ZNF385D: variants seen among roughly 807,000 people sequenced by gnomAD.
ZNF385D encodes the protein zinc finger protein 385D, also known as zinc finger protein 659.
ZNF385D carries 15 observed loss-of-function variants against 35.8 expected under a neutral mutation model. That is an observed-to-expected ratio of 0.42 (90% CI 0.28 to 0.64). The LOEUF is 0.64. Ranked by LOEUF, ZNF385D falls within the 30% of genes least tolerant of loss-of-function variation. The probability of loss-of-function intolerance (pLI) is 0.23; values close to 1 mark genes in which losing one functional copy is unlikely to be tolerated. For missense variants in ZNF385D, 474 were observed against 494.6 expected, an observed-to-expected ratio of 0.96 and a Z score of 0.39; for synonymous variants, 212 against 186.8, an observed-to-expected ratio of 1.13 and a Z score of -1.10.
At chr3:22,113,073 C>A (rs1429015847) in intron 3 of ZNF385D, among the ~76,000 whole-genome samples, 2 of 152,038 alleles carry the variant, frequency 1.3e-5, no homozygotes, top group African/African-American at 2.4e-5. Flanking sequence ...AGTGACAAAT[C>A]ATTTACACAT....
chr3:22,293,124 A>G (rs1207442492), intron 2 of ZNF385D, among the ~76,000 whole-genome samples: 1 of 152,088 alleles, frequency 6.6e-6, no homozygotes, highest in African/African-American at 2.4e-5. Context: ...TTTCACTTAT[A>G]CATCATAAAT....
chr3:22,188,386 C>T (rs905953858), intron 2 of ZNF385D, among the ~76,000 whole-genome samples: 3 of 152,132 alleles, frequency 2.0e-5, no homozygotes, highest in Non-Finnish European at 4.4e-5. Context: ...AAGAAACACA[C>T]TGATTCTGCT....
intron 2 of ZNF385D, among the ~76,000 whole-genome samples, chr3:22,361,077 G>A (rs1169647583): frequency 6.6e-6 from 1 of 152,036 alleles, no homozygotes; most frequent in African/African-American, 2.4e-5. Flanking sequence ...ACTAGTTGAT[G>A]TTGCATCACA....
At chr3:21,809,858 T>C (rs2072833125) in intron 3 of ZNF385D, among the ~76,000 whole-genome samples, 1 of 151,926 alleles carries the variant, frequency 6.6e-6, no homozygotes, top group Non-Finnish European at 1.5e-5. Context: ...ACAGATAACC[T>C]GAATTGAGGT....
intron 3 of ZNF385D, among the ~76,000 whole-genome samples, chr3:22,035,931 G>GT (rs35098442): frequency 0.057 from 8,695 of 151,378 alleles, 320 homozygotes; most frequent in Middle Eastern, 0.15. Flanking sequence ...TACTTTCACA[G>GT]TTTTTTTTTC....
At chr3:22,000,872 T>C (rs1443739691) in intron 3 of ZNF385D, among the ~76,000 whole-genome samples, 1 of 150,070 alleles carries the variant, frequency 6.7e-6, no homozygotes, top group Non-Finnish European at 1.5e-5. Flanking sequence ...TCATTACAAT[T>C]AGACCAGTCC....
chr3:21,915,000 A>G (rs376217304), intron 3 of ZNF385D, among the ~76,000 whole-genome samples: 5 of 151,930 alleles, frequency 3.3e-5, no homozygotes, highest in Non-Finnish European at 4.4e-5. Flanking sequence ...CTTGGTTAAT[A>G]TAAGTCACCA....
intron 3 of ZNF385D, among the ~76,000 whole-genome samples, chr3:22,118,341 G>A (rs1576349645): frequency 6.6e-6 from 1 of 151,818 alleles, no homozygotes; most frequent in Admixed American, 6.6e-5. Context: ...ATTTCTTCAT[G>A]GAACAAAAAG....
intron 3 of ZNF385D, among the ~76,000 whole-genome samples, chr3:21,821,262 C>G (rs1389727998): frequency 6.6e-6 from 1 of 151,926 alleles, no homozygotes; most frequent in South Asian, 2.1e-4. Flanking sequence ...GTTGAGCACA[C>G]TAAATGCAGC....
chr3:22,210,147 G>A (rs1315927294), intron 2 of ZNF385D, among the ~76,000 whole-genome samples: 2 of 151,832 alleles, frequency 1.3e-5, no homozygotes, highest in Admixed American at 6.6e-5. Context: ...AAGTGAAAGA[G>A]TCATTGTATG....
At chr3:21,845,631 G>A (rs1480262197) in intron 3 of ZNF385D, among the ~76,000 whole-genome samples, 2 of 151,896 alleles carry the variant, frequency 1.3e-5, no homozygotes, top group East Asian at 1.9e-4. Flanking sequence ...AGTCCTGTAA[G>A]TTCTTTCTGA....
intron 2 of ZNF385D, among the ~76,000 whole-genome samples, chr3:22,212,001 A>G (rs180899577): frequency 2.4e-4 from 36 of 152,078 alleles, no homozygotes; most frequent in African/African-American, 8.2e-4. Flanking sequence ...TAATTTGGGG[A>G]TATGTGACTA....
In ZNF385D at chr3:22,190,517, T is replaced by C. The variant is rs150362462; in HGVS notation, c.107-21482A>G. On this transcript the variant is annotated intron_variant, in intron 2 of 5. Coordinates refer to the ZNF385D transcript ENST00000494108. ...AATTTGTCGTGGTCACTGAATATAATGGCTAGCAGCCACAAGTTCATAAAG... is the reference window on the plus strand; with the variant it reads ...AATTTGTCGTGGTCACTGAATATAACGGCTAGCAGCCACAAGTTCATAAAG... 6.6e-3 allele frequency among the ~76,000 whole-genome samples: 1,003 copies of C among 152,310 alleles called. 9 individuals carry two copies. Among genetic ancestry groups the C allele is most frequent in the African/African-American group, 0.023 (940 of 41,596 alleles).
intron 4 of ZNF385D, among the ~76,000 whole-genome samples, chr3:21,443,885 G>A (rs1008622609): frequency 1.3e-5 from 2 of 152,076 alleles, no homozygotes; most frequent in Non-Finnish European, 2.9e-5. Context: ...CTTTTGAGAT[G>A]ATTTTCAAAG....
intron 2 of ZNF385D, among the ~76,000 whole-genome samples, chr3:22,281,262 C>T (rs568511098): frequency 6.6e-6 from 1 of 152,142 alleles, no homozygotes; most frequent in South Asian, 2.1e-4. Context: ...GCTAGGATTT[C>T]CAGTACTATG....
chr3:22,123,409 A>C (rs1366353349), intron 3 of ZNF385D, among the ~76,000 whole-genome samples: 5 of 152,162 alleles, frequency 3.3e-5, no homozygotes, highest in Non-Finnish European at 4.4e-5. Flanking sequence ...AAGTGTATAT[A>C]TTTATAAAAT....
Position 21,839,689 on chromosome 3 carries a change from T to G in ZNF385D, c.326-174661A>C, listed in dbSNP as rs146820067. Among the ~76,000 whole-genome samples, 275 of 152,150 alleles carry G rather than the reference T, an allele frequency of 1.8e-3. 1 individual carries two copies. The highest frequency in any genetic ancestry group is 6.2e-3 in the African/African-American group (258 of 41,530). ...CAGACCACATCACTTTGCCTTCACT[T>G]TAAGACTCAGCTGACAGAACAGCCA... On this transcript the variant is annotated intron_variant, in intron 3 of 5. Coordinates refer to the ZNF385D transcript ENST00000494108.
chr3:22,115,848 T>G (rs142297633), intron 3 of ZNF385D, among the ~76,000 whole-genome samples: 3 of 152,018 alleles, frequency 2.0e-5, no homozygotes, highest in Non-Finnish European at 4.4e-5. Context: ...AGAAAACAGG[T>G]TTTTGTTTCC....
rs5847134 is a variant in ZNF385D at position 21,765,643 on chromosome 3, C to CAA, written c.326-100617_326-100616dup. ...GTGCAAGATGGATAAGCAACAACAA[C>CAA]AAAAAAAAAATAGAAAGAGGAAGAA... On this transcript the variant is annotated intron_variant, in intron 3 of 5. Coordinates refer to the ZNF385D transcript ENST00000494108. Among the ~76,000 whole-genome samples, 400 of 148,650 alleles carry CAA rather than the reference C, an allele frequency of 2.7e-3. 5 individuals are homozygous for CAA. In the East Asian group the frequency reaches 0.038, roughly 14 times the overall value.
Sources: allele counts gnomAD v4.1 joint callset (sites outside exome capture counted in the v4.1 genomes callset), GRCh38; gene constraint gnomAD v4.1.1; transcripts MANE v1.5; gene names NCBI Gene and HGNC (gene_info 2026-07-23, HGNC 2026-07-21).